Variants in PRKG2 observed in about 807,000 individuals in gnomAD.
PRKG2 encodes the protein cGMP-dependent protein kinase 2.
Under a neutral mutation model 97.2 loss-of-function variants are expected in PRKG2, and 33 were observed. The ratio of observed to expected loss-of-function variants is 0.34; its 90% confidence interval spans 0.26 to 0.45. PRKG2 has a LOEUF of 0.45. Ranked by LOEUF, PRKG2 falls within the 20% of genes least tolerant of loss-of-function variation. The pLI is 1.00. For synonymous variants in PRKG2, 330 were observed against 321.8 expected (o/e 1.03, Z -0.27); for missense variants, 638 against 900.0 (o/e 0.71, Z 3.73).
At position 81,105,523 on chromosome 4, in the gene PRKG2, G is replaced by T. The variant is rs376460793; in HGVS notation, c.2063+290C>A. On this transcript the variant is annotated intron_variant, in intron 16 of 18. Transcript: ENST00000264399. ...TAAATTACTCCTTTTTTAGCCTAAG[G>T]TTTATGGTTTATTTTGCTCTCTAAC... Among the ~76,000 whole-genome samples, 51 of 151,944 alleles carry T rather than the reference G, an allele frequency of 3.4e-4. No homozygotes were observed. In the East Asian group the frequency reaches 8.5e-3, roughly 25 times the overall value.
intron 2 of PRKG2, among the ~76,000 whole-genome samples, chr4:81,187,544 T>C (rs1398852525): frequency 2.6e-5 from 4 of 152,138 alleles, no homozygotes; most frequent in Admixed American, 6.6e-5. Flanking sequence ...GCATTCCCTT[T>C]AAAATCTGGT....
chr4:81,176,059 T>C (rs958102477), intron 2 of PRKG2: 1 of 152,146 alleles, frequency 6.6e-6, no homozygotes, highest in Non-Finnish European at 1.5e-5. Context: ...TGAAATTAAA[T>C]AATTCTTTCA....
intron 2 of PRKG2, among the ~76,000 whole-genome samples, chr4:81,200,655 C>T (rs17005090): frequency 0.26 from 39,522 of 152,026 alleles, 5,669 homozygotes; most frequent in East Asian, 0.39. Flanking sequence ...CCACCAACCA[C>T]GGTATATTCC....
Position 81,154,045 on chromosome 4 carries a change from T to C in PRKG2, c.913-324A>G, listed in dbSNP as rs369625126. 5.4e-4 allele frequency: 98 copies of C among 182,524 alleles called. 1 individual carries two copies. The highest frequency in any genetic ancestry group is 2.8e-3 in the African/African-American group (94 of 33,754). 11.3% of individuals were successfully genotyped at this position (182,524 alleles called of 1,614,324 possible). On this transcript the variant is annotated intron_variant, in intron 6 of 18. Coordinates refer to ENST00000264399, the MANE Select transcript of PRKG2 (RefSeq NM_006259.3). ...AAATCGGGTCACTCTCACCCGAATATCGCGCTTTTGGGACGGCCTTAAAAA... is the reference window on the plus strand; with the variant it reads ...AAATCGGGTCACTCTCACCCGAATACCGCGCTTTTGGGACGGCCTTAAAAA...
intron 18 of PRKG2, 116 bp downstream of exon 18, chr4:81,092,270 T>C: frequency 1.7e-6 from 1 of 576,816 alleles, no homozygotes; most frequent in Middle Eastern, 4.9e-4. Context: ...TAAAAACTGC[T>C]TTAAAAAAAA....
At chr4:81,157,890 T>C (rs1749248287) in intron 6 of PRKG2, among the ~76,000 whole-genome samples, 1 of 146,656 alleles carries the variant, frequency 6.8e-6, no homozygotes, top group South Asian at 2.1e-4. Context: ...CGCTTCACGC[T>C]AAAAACTCTC....
chr4:81,159,057 C>A (rs1024278196), intron 6 of PRKG2, among the ~76,000 whole-genome samples: 14 of 152,106 alleles, frequency 9.2e-5, no homozygotes, highest in Non-Finnish European at 1.9e-4. Flanking sequence ...TGGGCAAGGA[C>A]TTCATGTCTA....
At chr4:81,123,762 T>C (rs1578379336) in intron 14 of PRKG2, among the ~76,000 whole-genome samples, 1 of 152,290 alleles carries the variant, frequency 6.6e-6, no homozygotes, top group East Asian at 1.9e-4. Flanking sequence ...TTAAGTCCAT[T>C]TACATATACT....
chr4:81,183,319 G>C (rs1226361794), intron 2 of PRKG2, among the ~76,000 whole-genome samples: 2 of 152,062 alleles, frequency 1.3e-5, no homozygotes, highest in Non-Finnish European at 2.9e-5. Context: ...ACTGGTTAGA[G>C]AGTGGGTGCA....
rs149646813 is a variant in PRKG2, at chr4:81,171,129, G to A, written c.742+562C>T. Among the ~76,000 whole-genome samples the A allele has an allele frequency of 8.5e-4, 129 of 151,838 alleles. No individual in the cohort carries two copies. In the East Asian group the frequency reaches 0.018, roughly 21 times the overall value. On this transcript the variant is annotated intron_variant, in intron 4 of 18. Coordinates refer to ENST00000264399, the MANE Select transcript of PRKG2 (RefSeq NM_006259.3). Reference sequence around the variant, plus strand: ...ACTTAACACCTAGGTATTTAGCCCCGCATACATCAGCTATTTATCCTGATG... The same window carrying A: ...ACTTAACACCTAGGTATTTAGCCCCACATACATCAGCTATTTATCCTGATG...
chr4:81,096,102 C>T (rs567572771), intron 17 of PRKG2, among the ~76,000 whole-genome samples: 5 of 152,130 alleles, frequency 3.3e-5, no homozygotes, highest in African/African-American at 1.2e-4. Flanking sequence ...GGGCAGGGGT[C>T]GCTGAAGGTT....
At position 81,140,565 on chromosome 4, in the gene PRKG2, G is replaced by T. The variant is rs1167261893; in HGVS notation, c.1512C>A (p.Ile504=). ...TGAATGGAGAGCACAGCTCCTCTAGGATCCTCTTCTCTGAGTAGACATGCT... is the reference window on the plus strand; with the variant it reads ...TGAATGGAGAGCACAGCTCCTCTAGTATCCTCTTCTCTGAGTAGACATGCT... ...QQEHVYSEKR[I]LEELCSPFIV... The change falls in exon 12 of 19, where the codon ATC becomes ATA. Residue 504 remains isoleucine (I), a synonymous_variant. Coordinates refer to ENST00000264399, the MANE Select transcript of PRKG2 (RefSeq NM_006259.3). 6.2e-7 allele frequency: 1 copy of T among 1,609,976 alleles called. No homozygotes were observed. Among genetic ancestry groups the T allele is most frequent in the South Asian group, 1.1e-5 (1 of 90,382 alleles).
chr4:81,204,320 T>G (rs1006790064), intron 2 of PRKG2, among the ~76,000 whole-genome samples: 6 of 152,060 alleles, frequency 3.9e-5, no homozygotes, highest in Non-Finnish European at 8.8e-5. Context: ...TCTAATACTA[T>G]TTCACACCCC....
intron 15 of PRKG2, among the ~76,000 whole-genome samples, chr4:81,109,339 G>C (rs912763338): frequency 3.3e-5 from 5 of 152,160 alleles, no homozygotes; most frequent in African/African-American, 7.2e-5. Context: ...ACTCGTTCTA[G>C]TATTTCTTAA....
At chr4:81,096,090 A>C (rs887641644) in intron 17 of PRKG2, among the ~76,000 whole-genome samples, 4 of 152,186 alleles carry the variant, frequency 2.6e-5, no homozygotes, top group Admixed American at 6.6e-5. Flanking sequence ...GCTGACTGAC[A>C]AGGGCAGGGG....
intron 2 of PRKG2, among the ~76,000 whole-genome samples, chr4:81,179,779 A>C (rs1751247930): frequency 2.0e-5 from 3 of 152,180 alleles, no homozygotes; most frequent in Non-Finnish European, 4.4e-5. Flanking sequence ...AAGTTTAGTA[A>C]GTTAAGGATG....
chr4:81,135,403 T>TTATA, intron 13 of PRKG2, 107 bp from the exon 14 acceptor site: 7 of 1,154,794 alleles, frequency 6.1e-6, no homozygotes, highest in Non-Finnish European at 8.4e-6. Flanking sequence ...ATATAAATAT[T>TTATA]TTGCAGGGTA....
At chr4:81,155,196 A>G (rs1748924416) in intron 6 of PRKG2, among the ~76,000 whole-genome samples, 1 of 150,386 alleles carries the variant, frequency 6.6e-6, no homozygotes, top group South Asian at 2.1e-4. Flanking sequence ...AAAAAAGAAG[A>G]ATGTATAACT....
chr4:81,163,298 C>A (rs1749718891), intron 6 of PRKG2, among the ~76,000 whole-genome samples: 1 of 152,096 alleles, frequency 6.6e-6, no homozygotes. Flanking sequence ...AGGGTGGTCA[C>A]TGAGACCAAA....
Sources: gnomAD v4.1 joint callset for allele counts (sites outside exome capture counted in the v4.1 genomes callset) on GRCh38, gnomAD v4.1.1 for gene constraint, MANE v1.5 for transcripts, NCBI Gene and HGNC (gene_info 2026-07-23, HGNC 2026-07-21) for gene names.